RAB8B: variants seen among roughly 807,000 people sequenced by gnomAD.
The protein encoded by RAB8B is RAB8B, member RAS oncogene family.
In RAB8B, 11 loss-of-function variants were observed where a neutral mutation model predicts 32.0. That is an observed-to-expected ratio of 0.34 (90% CI 0.22 to 0.57). RAB8B has a LOEUF of 0.57. RAB8B is among the 20% of genes least tolerant of loss of function. RAB8B has a pLI of 0.86. For synonymous variants in RAB8B, 103 were observed against 89.6 expected (o/e 1.15, Z -0.85); for missense variants, 190 against 258.5 (o/e 0.73, Z 1.82).
intron 1 of RAB8B, among the ~76,000 whole-genome samples, chr15:63,205,312 TAAAC>T (rs1347146610): frequency 6.6e-5 from 10 of 151,694 alleles, no homozygotes; most frequent in Admixed American, 5.9e-4. Flanking sequence ...AGTAAATAAA[TAAAC>T]AAATAAATAA....
intron 1 of RAB8B, among the ~76,000 whole-genome samples, chr15:63,194,552 C>T (rs2037585276): frequency 6.6e-6 from 1 of 152,220 alleles, no homozygotes; most frequent in South Asian, 2.1e-4. Context: ...TATAGTTTCA[C>T]ATTAGGAGAT....
At chr15:63,232,399 A>AGAAATTAGTAAATTCTTCCTAATTTCT (rs2037942795) in intron 1 of RAB8B, among the ~76,000 whole-genome samples, 3 of 152,332 alleles carry the variant, frequency 2.0e-5, no homozygotes, top group South Asian at 2.1e-4. Context: ...TGGCTCAAAG[A>AGAAATTAGTAAATTCTTCCTAATTTCT]GAAATTAGTA....
At chr15:63,208,462 A>AT (rs566822420) in intron 1 of RAB8B, among the ~76,000 whole-genome samples, 1 of 151,906 alleles carries the variant, frequency 6.6e-6, no homozygotes, top group East Asian at 1.9e-4. Context: ...AATTCTTGCT[A>AT]TTTTTTTTCT....
At chr15:63,242,352 A>C (rs2038039168) in intron 1 of RAB8B, among the ~76,000 whole-genome samples, 1 of 152,044 alleles carries the variant, frequency 6.6e-6, no homozygotes, top group South Asian at 2.1e-4. Context: ...AAAATACTGT[A>C]GTAACATAGC....
At chr15:63,249,572 C>A in intron 2 of RAB8B, 73 bp from the exon 3 acceptor site, 1 of 1,397,214 alleles carries the variant, frequency 7.2e-7, no homozygotes, top group Non-Finnish European at 1.0e-6. Flanking sequence ...AATTACATCT[C>A]CTACAGCAGG....
intron 6 of RAB8B, among the ~76,000 whole-genome samples, chr15:63,260,454 G>C (rs2152585047): frequency 6.6e-6 from 1 of 152,314 alleles, no homozygotes; most frequent in East Asian, 1.9e-4. Flanking sequence ...AATTGTAACA[G>C]TGGCATTTAG....
chr15:63,194,216 TTTAA>T (rs1458629956), intron 1 of RAB8B, among the ~76,000 whole-genome samples: 2 of 152,122 alleles, frequency 1.3e-5, no homozygotes, highest in African/African-American at 2.4e-5. Flanking sequence ...AAAATGAAGG[TTTAA>T]TTGACACCCT....
chr15:63,233,504 A>G (rs2037952984), intron 1 of RAB8B, among the ~76,000 whole-genome samples: 1 of 152,228 alleles, frequency 6.6e-6, no homozygotes, highest in Admixed American at 6.5e-5. Context: ...AGAGATTTCA[A>G]CTAATTATCC....
rs76534174 is a variant in RAB8B, at chr15:63,211,682, G to A, written c.124+21934G>A. Among the ~76,000 whole-genome samples the A allele has an allele frequency of 2.4e-3, 359 of 152,050 alleles. 3 individuals carry two copies. The highest frequency in any genetic ancestry group is 7.8e-3 in the African/African-American group (325 of 41,478). ...TGGTGGATTTTTTTTGCCAAGCACC[G>A]CATTTTTCTTAGTATTGTCATATAT... On this transcript the variant is annotated intron_variant, in intron 1 of 7. Transcript: ENST00000321437.
intron 7 of RAB8B, 50 bp from the exon 8 acceptor site, chr15:63,263,477 C>A: frequency 6.9e-7 from 1 of 1,446,640 alleles, no homozygotes; most frequent in Non-Finnish European, 9.7e-7. Context: ...TAACTGAGGT[C>A]AAACCATGAA....
chr15:63,234,477 T>C (rs554395230), intron 1 of RAB8B, among the ~76,000 whole-genome samples: 12 of 152,248 alleles, frequency 7.9e-5, no homozygotes, highest in African/African-American at 2.7e-4. Context: ...CCAGTACTGC[T>C]CATTCCAAGT....
At chr15:63,226,246 C>A (rs1031852685) in intron 1 of RAB8B, among the ~76,000 whole-genome samples, 1 of 152,178 alleles carries the variant, frequency 6.6e-6, no homozygotes, top group African/African-American at 2.4e-5. Flanking sequence ...TTGTATCTAT[C>A]ATGTGTGGTT....
intron 1 of RAB8B, among the ~76,000 whole-genome samples, chr15:63,229,433 T>C (rs1183193185): frequency 1.3e-5 from 2 of 152,062 alleles, no homozygotes; most frequent in Non-Finnish European, 2.9e-5. Flanking sequence ...CTTTGAAAAA[T>C]ATTCCTGAGG....
At chr15:63,254,386 G>T (rs2038143151) in intron 3 of RAB8B, among the ~76,000 whole-genome samples, 1 of 151,892 alleles carries the variant, frequency 6.6e-6, no homozygotes, top group Non-Finnish European at 1.5e-5. Flanking sequence ...TTGGTTTATT[G>T]TCTGTTGTCT....
chr15:63,201,908 G>C (rs111726059), intron 1 of RAB8B, among the ~76,000 whole-genome samples: 9 of 151,958 alleles, frequency 5.9e-5, no homozygotes, highest in African/African-American at 2.2e-4. Context: ...TTTTCCACAG[G>C]ACTCTGTGTG....
intron 1 of RAB8B, among the ~76,000 whole-genome samples, chr15:63,204,886 A>G (rs1199968110): frequency 6.6e-6 from 1 of 152,208 alleles, no homozygotes; most frequent in Non-Finnish European, 1.5e-5. Context: ...GGCTGGGTGC[A>G]GTGGCACATG....
intron 3 of RAB8B, among the ~76,000 whole-genome samples, chr15:63,250,112 T>C (rs1463590241): frequency 2.0e-5 from 3 of 152,098 alleles, no homozygotes; most frequent in Non-Finnish European, 4.4e-5. Flanking sequence ...GTCCGCAGTC[T>C]GGCCTGGGCA....
At chr15:63,191,844 C>G (rs1157034698) in intron 1 of RAB8B, among the ~76,000 whole-genome samples, 1 of 152,068 alleles carries the variant, frequency 6.6e-6, no homozygotes, top group African/African-American at 2.4e-5. Flanking sequence ...CCCATGTTTC[C>G]TGTAAGGGTA....
chr15:63,253,808 C>T (rs951595449), intron 3 of RAB8B, among the ~76,000 whole-genome samples: 7 of 152,100 alleles, frequency 4.6e-5, no homozygotes, highest in Non-Finnish European at 7.3e-5. Flanking sequence ...ATTGAGTCTC[C>T]AGGACTTAGT....
Sources: allele counts gnomAD v4.1 joint callset (sites outside exome capture counted in the v4.1 genomes callset), GRCh38; gene constraint gnomAD v4.1.1; transcripts MANE v1.5; gene names NCBI Gene and HGNC (gene_info 2026-07-23, HGNC 2026-07-21).